The following DIP2C variants were observed in gnomAD, a reference collection of about 807,000 sequenced individuals.
DIP2C encodes disco-interacting protein 2 homolog C.
A neutral mutation model predicts 192.4 loss-of-function variants in DIP2C; 33 were observed. The observed-to-expected ratio is 0.17, with a 90% CI of 0.13 to 0.23. The LOEUF (loss-of-function observed/expected upper bound fraction) is 0.23. Ranked by LOEUF, DIP2C falls within the 10% of genes least tolerant of loss-of-function variation. DIP2C has a pLI of 1.00. For missense variants in DIP2C, 1,537 were observed against 2,110.1 expected (o/e 0.73, Z 5.32); for synonymous variants, 979 against 864.1 (o/e 1.13, Z -2.33).
chr10:640,002 T>C (rs1268368896), intron 1 of DIP2C, among the ~76,000 whole-genome samples: 1 of 151,514 alleles, frequency 6.6e-6, no homozygotes, highest in Non-Finnish European at 1.5e-5. Context: ...GGCCTGTGCA[T>C]GTCCCTCCAC....
intron 1 of DIP2C, among the ~76,000 whole-genome samples, chr10:536,677 A>T (rs536393670): frequency 6.6e-6 from 1 of 152,132 alleles, no homozygotes; most frequent in Non-Finnish European, 1.5e-5. Context: ...TGCTCTGTGG[A>T]GGGGGGGCCA....
chr10:671,615 C>CAG (rs1360084614), intron 1 of DIP2C, among the ~76,000 whole-genome samples: 1 of 88,336 alleles, frequency 1.1e-5, no homozygotes, highest in African/African-American at 5.2e-5. Flanking sequence ...ACGGAGGAAA[C>CAG]GCCACAGACG....
chr10:634,762 A>G (rs1263083398), intron 1 of DIP2C, among the ~76,000 whole-genome samples: 2 of 152,126 alleles, frequency 1.3e-5, no homozygotes, highest in Non-Finnish European at 2.9e-5. Context: ...AAAAATAAAA[A>G]AAAAAGAAAA....
intron 17 of DIP2C, among the ~76,000 whole-genome samples, chr10:370,911 A>G (rs573377570): frequency 1.3e-5 from 2 of 152,370 alleles, no homozygotes; most frequent in East Asian, 1.9e-4. Flanking sequence ...TATTGAAAAA[A>G]GCATGAAAGA....
At chr10:394,464 T>C (rs13377185) in intron 10 of DIP2C, among the ~76,000 whole-genome samples, 3,153 of 106,148 alleles carry the variant, frequency 0.03, 67 homozygotes, top group African/African-American at 0.078. Flanking sequence ...AGGAGGGAAG[T>C]CTGCCGTGTG....
chr10:568,098 T>C (rs1003069360), intron 1 of DIP2C, among the ~76,000 whole-genome samples: 1 of 152,178 alleles, frequency 6.6e-6, no homozygotes, highest in African/African-American at 2.4e-5. Context: ...GTCACAGCCC[T>C]GGAGCTCCAC....
chr10:627,541 C>T (rs769510117), intron 1 of DIP2C, among the ~76,000 whole-genome samples: 4 of 152,218 alleles, frequency 2.6e-5, no homozygotes, highest in Non-Finnish European at 5.9e-5. Context: ...TGTCTTCAAC[C>T]GAGCGCCACT....
At position 679,599 on chromosome 10, in the gene DIP2C, CT is replaced by C. The variant is rs1370583363; in HGVS notation, c.85+9894del. 2.8e-5 allele frequency among the ~76,000 whole-genome samples: 4 copies of C among 143,354 alleles called. No homozygotes were observed. In the East Asian group the frequency reaches 8.9e-4, roughly 32 times the overall value. 94.0% of individuals were successfully genotyped at this position (143,354 alleles called of 152,430 possible). On this transcript the variant is annotated intron_variant, in intron 1 of 36. Transcript: ENST00000280886. ...CCCACCCATGCTCCCCACACCTGTG[CT>C]CCCTGCACCCATCTGTGCTCCCTAT...
chr10:344,975 A>AC, intron 27 of DIP2C, 24 bp downstream of exon 27: 1 of 1,609,270 alleles, frequency 6.2e-7, no homozygotes, highest in Non-Finnish European at 8.5e-7. Flanking sequence ...TGAGCAAACC[A>AC]CCTTCTGCAG....
intron 1 of DIP2C, among the ~76,000 whole-genome samples, chr10:587,074 G>A (rs773162222): frequency 4.0e-5 from 6 of 150,732 alleles, no homozygotes; most frequent in Non-Finnish European, 7.4e-5. Context: ...AAACAGTGCA[G>A]GGTCTAAGGC....
At chr10:306,870 G>C (rs1426893030) in intron 32 of DIP2C, among the ~76,000 whole-genome samples, 1 of 152,204 alleles carries the variant, frequency 6.6e-6, no homozygotes, top group Non-Finnish European at 1.5e-5. Context: ...TACTGCACCT[G>C]TTCTGAGCAC....
intron 1 of DIP2C, among the ~76,000 whole-genome samples, chr10:546,300 A>C (rs1289970681): frequency 6.6e-6 from 1 of 151,692 alleles, no homozygotes; most frequent in African/African-American, 2.4e-5. Flanking sequence ...AAAAAGTAAC[A>C]AATTTATTTT....
chr10:366,662 G>C (rs1271289430), intron 18 of DIP2C, among the ~76,000 whole-genome samples: 2 of 148,512 alleles, frequency 1.3e-5, no homozygotes, highest in African/African-American at 2.5e-5. Flanking sequence ...TAATGCGCAA[G>C]TTGTATTTAG....
intron 1 of DIP2C, among the ~76,000 whole-genome samples, chr10:685,467 T>G (rs1250458560): frequency 1.3e-5 from 2 of 151,992 alleles, no homozygotes; most frequent in African/African-American, 4.8e-5. Context: ...TCAAAACTTC[T>G]CTTCCACCAA....
intron 1 of DIP2C, among the ~76,000 whole-genome samples, chr10:545,165 C>CTTTTTTTTTT (rs1564836000): frequency 1.1e-5 from 1 of 91,892 alleles, no homozygotes; most frequent in Non-Finnish European, 2.1e-5. Context: ...TGGTGTTTTC[C>CTTTTTTTTTT]CTTTTTTTTT....
chr10:615,355 T>C (rs1853386841), intron 1 of DIP2C, among the ~76,000 whole-genome samples: 1 of 152,120 alleles, frequency 6.6e-6, no homozygotes, highest in African/African-American at 2.4e-5. Flanking sequence ...GCCTGGAAAC[T>C]CGCAGCCACC....
intron 1 of DIP2C, among the ~76,000 whole-genome samples, chr10:593,938 CTG>C (rs751397096): frequency 6.6e-6 from 1 of 152,192 alleles, no homozygotes; most frequent in Non-Finnish European, 1.5e-5. Flanking sequence ...TTTCAGAGCT[CTG>C]TGTAGGAGTC....
Position 459,982 on chromosome 10 carries a change from C to A in DIP2C, c.268+12457G>T, listed in dbSNP as rs998008654. Among the ~76,000 whole-genome samples, 141 of 151,650 alleles carry A rather than the reference C, an allele frequency of 9.3e-4. 2 individuals are homozygous for A. Among genetic ancestry groups the A allele is most frequent in the Non-Finnish European group, 1.6e-4 (11 of 67,932 alleles). The stretch of plus-strand genomic sequence containing the variant: ...ACCTTCCCACAGTCACATCAGGGAA[C>A]CACCTGCTGCACGTGAGCTCTAGTA... On this transcript the variant is annotated intron_variant, in intron 3 of 36. Transcript: ENST00000280886.
At chr10:619,280 C>T (rs1421978184) in intron 1 of DIP2C, among the ~76,000 whole-genome samples, 1 of 152,176 alleles carries the variant, frequency 6.6e-6, no homozygotes. Flanking sequence ...CCAAACAACA[C>T]GAACTTATTT....
Sources: gnomAD v4.1 joint callset for allele counts (sites outside exome capture counted in the v4.1 genomes callset) on GRCh38, gnomAD v4.1.1 for gene constraint, MANE v1.5 for transcripts, NCBI Gene and HGNC (gene_info 2026-07-23, HGNC 2026-07-21) for gene names.